The following OSBPL6 variants were observed in gnomAD, a reference collection of about 807,000 sequenced individuals.
OSBPL6 encodes the protein oxysterol binding protein like 6.
In OSBPL6, 49 loss-of-function variants were observed where a neutral mutation model predicts 125.8. The ratio of observed to expected loss-of-function variants is 0.39; its 90% CI spans 0.31 to 0.49. The LOEUF is 0.49. OSBPL6 is among the 20% of genes least tolerant of loss of function. The probability of loss-of-function intolerance (pLI) is 0.88; values close to 1 mark genes in which losing one functional copy is unlikely to be tolerated. For missense variants in OSBPL6, 986 were observed against 1,135.4 expected, an observed-to-expected ratio of 0.87 and a Z score of 1.89; for synonymous variants, 394 against 391.8, an observed-to-expected ratio of 1.01 and a Z score of -0.07.
At chr2:178,326,727 T>C (rs1008707382) in intron 4 of OSBPL6, among the ~76,000 whole-genome samples, 4 of 152,228 alleles carry the variant, frequency 2.6e-5, no homozygotes, top group Non-Finnish European at 4.4e-5. Flanking sequence ...TTTTATCTTT[T>C]GCCTCTGTCA....
At chr2:178,391,283 C>G in intron 22 of OSBPL6, 66 bp downstream of exon 22, 7 of 1,462,418 alleles carry the variant, frequency 4.8e-6, no homozygotes, top group Non-Finnish European at 5.5e-6. Context: ...AAGAGAACAT[C>G]AGGTCATCTT....
At chr2:178,237,397 T>G (rs1050723146) in intron 1 of OSBPL6, among the ~76,000 whole-genome samples, 1 of 152,170 alleles carries the variant, frequency 6.6e-6, no homozygotes, top group Non-Finnish European at 1.5e-5. Context: ...TTACTGCCTA[T>G]GCTTTCATTC....
chr2:178,255,981 T>C (rs2091875152), intron 1 of OSBPL6, among the ~76,000 whole-genome samples: 1 of 152,166 alleles, frequency 6.6e-6, no homozygotes, highest in South Asian at 2.1e-4. Context: ...ATTTCTGTGC[T>C]GGGGGGTTGG....
intron 5 of OSBPL6, among the ~76,000 whole-genome samples, chr2:178,330,234 A>C (rs982648806): frequency 1.3e-5 from 2 of 152,182 alleles, no homozygotes; most frequent in African/African-American, 4.8e-5. Flanking sequence ...ACAGGAAAAA[A>C]CCGTCAAAGA....
chr2:178,357,250 A>G lies in OSBPL6; in HGVS notation c.1154-4432A>G, dbSNP rs959505226. On this transcript the variant is annotated intron_variant, in intron 12 of 24. Transcript: ENST00000190611. Reference sequence around the variant, plus strand: ...AAAATAGACAAATGGGATCTAATGAAACTAAAGAGCTTCTGCACAGCGAAA... The same window carrying G: ...AAAATAGACAAATGGGATCTAATGAGACTAAAGAGCTTCTGCACAGCGAAA... Among the ~76,000 whole-genome samples, 4 of 152,252 alleles carry G rather than the reference A, an allele frequency of 2.6e-5. No homozygotes were observed. In the East Asian group the frequency reaches 7.7e-4, roughly 29 times the overall value.
chr2:178,275,845 A>T (rs1242436439), intron 1 of OSBPL6, among the ~76,000 whole-genome samples: 1 of 152,160 alleles, frequency 6.6e-6, no homozygotes, highest in Non-Finnish European at 1.5e-5. Flanking sequence ...ACTGTTATGA[A>T]CACTTTACAT....
intron 1 of OSBPL6, among the ~76,000 whole-genome samples, chr2:178,268,738 T>C (rs899263308): frequency 6.6e-6 from 1 of 152,234 alleles, no homozygotes; most frequent in African/African-American, 2.4e-5. Flanking sequence ...TCCACAATAT[T>C]CTATATTTTG....
At position 178,309,819 on chromosome 2, in the gene OSBPL6, T is replaced by C. The variant is rs77395394; in HGVS notation, c.102+3533T>C. On this transcript the variant is annotated intron_variant, in intron 3 of 24. Transcript: ENST00000190611. ...CCCTAAAACATTCCAAGAGGGAGCA[T>C]AAGGGTTGTTGATGAAACACCTAGG... Among the ~76,000 whole-genome samples the C allele has an allele frequency of 2.6e-5, 4 of 152,270 alleles. No homozygotes were observed. In the East Asian group the frequency reaches 7.7e-4, roughly 29 times the overall value.
chr2:178,200,673 G>A (rs1203426319), intron 1 of OSBPL6, among the ~76,000 whole-genome samples: 1 of 152,168 alleles, frequency 6.6e-6, no homozygotes, highest in African/African-American at 2.4e-5. Flanking sequence ...TGGTGATGGA[G>A]TGTTGTACAG....
chr2:178,238,287 AC>A (rs1314793026), intron 1 of OSBPL6, among the ~76,000 whole-genome samples: 1 of 151,950 alleles, frequency 6.6e-6, no homozygotes, highest in Non-Finnish European at 1.5e-5. Flanking sequence ...GCTCTGTCCC[AC>A]CCGGGATATG....
intron 1 of OSBPL6, among the ~76,000 whole-genome samples, chr2:178,245,119 T>C (rs1344795306): frequency 6.6e-6 from 1 of 152,168 alleles, no homozygotes; most frequent in African/African-American, 2.4e-5. Context: ...CTTTCGTTGA[T>C]AGTGGGTTTC....
At chr2:178,249,230 A>G (rs2091598685) in intron 1 of OSBPL6, among the ~76,000 whole-genome samples, 1 of 152,164 alleles carries the variant, frequency 6.6e-6, no homozygotes, top group Non-Finnish European at 1.5e-5. Context: ...GTGAGTTACC[A>G]TGCCCAGCTT....
intron 14 of OSBPL6, among the ~76,000 whole-genome samples, chr2:178,373,092 G>A (rs1217643113): frequency 2.0e-5 from 3 of 152,034 alleles, no homozygotes; most frequent in Admixed American, 6.6e-5. Flanking sequence ...TAGGTACAAG[G>A]GTTCTAACCT....
chr2:178,382,317 G>A, intron 15 of OSBPL6, 103 bp from the exon 16 acceptor site: 2 of 1,395,734 alleles, frequency 1.4e-6, no homozygotes, highest in Non-Finnish European at 1.9e-6. Context: ...TAGGACCTCT[G>A]CTTCTCACTG....
chr2:178,394,995 A>G (rs1056622519), intron 24 of OSBPL6, among the ~76,000 whole-genome samples: 1 of 152,168 alleles, frequency 6.6e-6, no homozygotes, highest in African/African-American at 2.4e-5. Context: ...TTGTCCTGTC[A>G]TTACTGCCCT....
At chr2:178,203,352 G>A (rs2089355890) in intron 1 of OSBPL6, among the ~76,000 whole-genome samples, 1 of 152,082 alleles carries the variant, frequency 6.6e-6, no homozygotes, top group African/African-American at 2.4e-5. Context: ...CCCACATTTA[G>A]TAATCTCTTC....
chr2:178,290,383 TA>T (rs968323467), intron 2 of OSBPL6, among the ~76,000 whole-genome samples: 2 of 151,904 alleles, frequency 1.3e-5, no homozygotes, highest in African/African-American at 4.8e-5. Context: ...TTCAAGGATT[TA>T]AAAAAATATT....
chr2:178,296,757 T>A (rs1206784101), intron 2 of OSBPL6, among the ~76,000 whole-genome samples: 1 of 151,856 alleles, frequency 6.6e-6, no homozygotes, highest in Non-Finnish European at 1.5e-5. Flanking sequence ...ATTAAATGAG[T>A]TCACAAGGCT....
chr2:178,391,553 A>G (rs1405902955), intron 22 of OSBPL6, among the ~76,000 whole-genome samples: 1 of 152,218 alleles, frequency 6.6e-6, no homozygotes, highest in Non-Finnish European at 1.5e-5. Flanking sequence ...ATACAAACTT[A>G]AAACCTTACT....
Sources: allele counts gnomAD v4.1 joint callset (sites outside exome capture counted in the v4.1 genomes callset), GRCh38; gene constraint gnomAD v4.1.1; transcripts MANE v1.5; gene names NCBI Gene and HGNC (gene_info 2026-07-23, HGNC 2026-07-21).